The following STX1B variants were observed in gnomAD, a reference collection of about 807,000 sequenced individuals.
STX1B encodes the protein syntaxin-1B.
Under a neutral mutation model 39.4 loss-of-function variants are expected in STX1B, and 7 were observed. The ratio of observed to expected loss-of-function variants is 0.18; its 90% CI spans 0.10 to 0.33. STX1B has a LOEUF of 0.33. STX1B is among the 10% of genes least tolerant of loss of function. The pLI is 1.00. For missense variants in STX1B, 198 were observed against 383.2 expected (o/e 0.52, Z 4.04); for synonymous variants, 136 against 144.1 (o/e 0.94, Z 0.40).
At position 30,992,894 on chromosome 16, in the gene STX1B, A is replaced by G; in HGVS notation, c.794T>C (p.Ile265Thr). ...CACCACACAGCAAATGATGATCATG[A>G]TTTTCTTCTGCAGCAGAAAGAGGAG... ...KYQSKARRKK[I>T]MIIICCVVLG... is the part of the protein sequence containing the mutation. The change falls in exon 10 of 10, where the codon ATC becomes ACC. Residue 265 changes from isoleucine (I) to threonine (T), a missense_variant. Coordinates refer to ENST00000215095, the MANE Select transcript of STX1B (RefSeq NM_052874.5). 1.2e-6 allele frequency: 2 copies of G among 1,613,858 alleles called. No individual in the cohort carries two copies. Among genetic ancestry groups the G allele is most frequent in the South Asian group, 2.2e-5 (2 of 91,076 alleles).
chr16:31,004,055 A>G (rs1567380362), intron 1 of STX1B, among the ~76,000 whole-genome samples: 1 of 152,190 alleles, frequency 6.6e-6, no homozygotes, highest in African/African-American at 2.4e-5. Context: ...TTCCGCTCCC[A>G]GTTACTTTCC....
chr16:30,998,829 A>C (rs1045489313), intron 4 of STX1B, among the ~76,000 whole-genome samples: 1 of 152,098 alleles, frequency 6.6e-6, no homozygotes, highest in Non-Finnish European at 1.5e-5. Flanking sequence ...TTCAAGGTCA[A>C]GGCTTGATGG....
chr16:31,006,977 G>T (rs1354196210), intron 1 of STX1B, among the ~76,000 whole-genome samples: 1 of 152,128 alleles, frequency 6.6e-6, no homozygotes, highest in Non-Finnish European at 1.5e-5. Context: ...CAGGCATGGT[G>T]GTGCGCATCT....
rs367696709 is a variant in STX1B, at chr16:30,996,023, G to T, written c.537+660C>A. On this transcript the variant is annotated intron_variant, in intron 7 of 9. Coordinates refer to ENST00000215095, the MANE Select transcript of STX1B (RefSeq NM_052874.5). ...AAGACCCCCCATCTCTACAAAAAAA[G>T]GTTTTTTTAGGCCGAGTGGTGGGCG... 4.5e-4 allele frequency among the ~76,000 whole-genome samples: 69 copies of T among 151,884 alleles called. 2 individuals carry two copies. In the South Asian group the frequency reaches 0.014, roughly 31 times the overall value.
chr16:30,994,892 CTTTTTTT>C (rs10524041), intron 7 of STX1B, among the ~76,000 whole-genome samples: 9 of 99,830 alleles, frequency 9.0e-5, no homozygotes, highest in Admixed American at 2.4e-4. Flanking sequence ...GTCTCCCCGT[CTTTTTTT>C]TTTTTTTTTT....
At chr16:30,997,650 T>C in intron 4 of STX1B, 75 bp from the exon 5 acceptor site, 2 of 1,377,734 alleles carry the variant, frequency 1.5e-6, no homozygotes, top group Admixed American at 4.2e-5. Context: ...GTACGAATGG[T>C]CAACACCCCG....
Position 30,992,907 on chromosome 16 carries a change from G to A in STX1B, c.787-6C>T, listed in dbSNP as rs2056570556. ...ATGATGATCATGATTTTCTTCTGCA[G>A]CAGAAAGAGGAGTGAGACAGGCAGA... On this transcript the variant is annotated splice_region_variant and splice_polypyrimidine_tract_variant and intron_variant, in intron 9 of 9. Coordinates refer to ENST00000215095, the MANE Select transcript of STX1B (RefSeq NM_052874.5). The A allele has an allele frequency of 2.5e-6, 4 of 1,613,268 alleles. No individual in the cohort carries two copies. The highest frequency in any genetic ancestry group is 3.4e-6 in the Non-Finnish European group (4 of 1,179,444).
intron 4 of STX1B, among the ~76,000 whole-genome samples, chr16:30,999,903 G>A (rs1596718546): frequency 6.6e-6 from 1 of 152,174 alleles, no homozygotes; most frequent in South Asian, 2.1e-4. Context: ...GGGAAAGCTG[G>A]GGTTTTGTGC....
At chr16:30,994,306 GAGTC>G (rs2056580150) in intron 7 of STX1B, among the ~76,000 whole-genome samples, 1 of 135,924 alleles carries the variant, frequency 7.4e-6, no homozygotes, top group Admixed American at 7.4e-5. Flanking sequence ...AAAAAAAAAA[GAGTC>G]AGTAGGGAGA....
chr16:30,998,804 G>A (rs1220052555), intron 4 of STX1B, among the ~76,000 whole-genome samples: 2 of 152,252 alleles, frequency 1.3e-5, no homozygotes, highest in African/African-American at 4.8e-5. Context: ...CCTCCCCAGG[G>A]TCTTACAGAG....
rs897535852 is a variant in STX1B, at chr16:30,995,198, G to A, written c.537+1485C>T. Reference sequence around the variant, plus strand: ...CACTTTGTTGCCCGGGCTGGTCTACGAACTCCTGGGCTCAAGCCCTCCATC... The same window carrying A: ...CACTTTGTTGCCCGGGCTGGTCTACAAACTCCTGGGCTCAAGCCCTCCATC... On this transcript the variant is annotated intron_variant, in intron 7 of 9. Coordinates refer to ENST00000215095, the MANE Select transcript of STX1B (RefSeq NM_052874.5). Among the ~76,000 whole-genome samples, 4 of 151,968 alleles carry A rather than the reference G, an allele frequency of 2.6e-5. No individual in the cohort carries two copies. In the South Asian group the frequency reaches 6.2e-4, roughly 24 times the overall value.
In STX1B at chr16:31,001,912, C is replaced by T. The variant is rs972019476; in HGVS notation, c.31-309G>A. Among the ~76,000 whole-genome samples, 7 of 152,140 alleles carry T rather than the reference C, an allele frequency of 4.6e-5. No individual in the cohort carries two copies. The highest frequency in any genetic ancestry group is 2.1e-4 in the South Asian group (1 of 4,824). ...TTTCAATATTTCAACAACGGCTCAA[C>T]GTCAGGCTTGCAGTAACTGACCCTG... is the stretch of plus-strand genomic sequence containing the variant. On this transcript the variant is annotated intron_variant, in intron 1 of 9. Coordinates refer to ENST00000215095, the MANE Select transcript of STX1B (RefSeq NM_052874.5). This position sits in a 1 kb window ranked among gnomAD's most constrained non-coding sequence, Gnocchi z 5.5.
Position 30,989,676 on chromosome 16 carries a change from C to CG in STX1B, c.*3144dup, listed in dbSNP as rs1266742090. On this transcript the variant is annotated 3_prime_UTR_variant, in exon 10 of 10. Coordinates refer to ENST00000215095, the MANE Select transcript of STX1B (RefSeq NM_052874.5). ...CAGGGGCGGTTAGGGGAAAGGGAGC[C>CG]GGGGCCACCCATCTTGTCCTCTGCA... The CG allele has an allele frequency of 5.3e-5, 8 of 152,360 alleles. No individual in the cohort carries two copies. Among genetic ancestry groups the CG allele is most frequent in the Non-Finnish European group, 8.8e-5 (6 of 68,216 alleles). 9.4% of individuals were successfully genotyped at this position (152,360 alleles called of 1,614,324 possible).
chr16:30,995,914 C>T (rs756978266), intron 7 of STX1B, among the ~76,000 whole-genome samples: 6 of 152,116 alleles, frequency 3.9e-5, no homozygotes, highest in Non-Finnish European at 5.9e-5. Flanking sequence ...CGGTGGTTCA[C>T]GTCTGTAATC....
At position 30,992,773 on chromosome 16, in the gene STX1B, C is replaced by T. The variant is rs1261593249; in HGVS notation, c.*48G>A. The T allele has an allele frequency of 6.4e-6, 8 of 1,250,562 alleles. No homozygotes were observed. The South Asian group carries it at 7.4e-5, about 12-fold the overall frequency. 77.5% of individuals were successfully genotyped at this position (1,250,562 alleles called of 1,614,324 possible). A position where few individuals can be genotyped will look rare whatever the true frequency, so the allele number is the denominator to read the frequency against. On this transcript the variant is annotated 3_prime_UTR_variant, in exon 10 of 10. Coordinates refer to ENST00000215095, the MANE Select transcript of STX1B (RefSeq NM_052874.5). ...TGAAAGGGGTGGTGGGGGTATTGCT[C>T]CCGATGTGGTGGGGGAAGGGTCTGG...
intron 7 of STX1B, 149 bp downstream of exon 7, chr16:30,996,534 G>C: frequency 1.4e-6 from 1 of 709,314 alleles, no homozygotes; most frequent in Non-Finnish European, 2.4e-6. Flanking sequence ...GTGCCTTCCT[G>C]CTCCGCTCCC....
chr16:31,005,906 G>C (rs1204852149), intron 1 of STX1B, among the ~76,000 whole-genome samples: 2 of 152,008 alleles, frequency 1.3e-5, no homozygotes, highest in African/African-American at 4.8e-5. Flanking sequence ...CTAAGTCCAG[G>C]TCTTCCACAC....
At chr16:31,003,483 C>T (rs2056641661) in intron 1 of STX1B, among the ~76,000 whole-genome samples, 1 of 152,180 alleles carries the variant, frequency 6.6e-6, no homozygotes. Flanking sequence ...AAAAGCCTTC[C>T]TCTGCCCTTT....
chr16:30,993,089 T>C (rs749798385), intron 9 of STX1B, 41 bp downstream of exon 9: 18 of 1,589,264 alleles, frequency 1.1e-5, no homozygotes, highest in Non-Finnish European at 1.6e-5. Context: ...GGCTCAGCCT[T>C]GGGCTCCCCC....
Sources: allele counts gnomAD v4.1 joint callset (sites outside exome capture counted in the v4.1 genomes callset), GRCh38; gene constraint gnomAD v4.1.1; non-coding constraint Gnocchi (gnomAD v3.1); transcripts MANE v1.5; gene names NCBI Gene and HGNC (gene_info 2026-07-23, HGNC 2026-07-21).